Variants in ATAD2 observed in about 807,000 individuals in gnomAD.
The protein encoded by ATAD2 is ATPase family AAA domain containing 2.
A neutral mutation model predicts 168.9 loss-of-function variants in ATAD2; 62 were observed. The ratio of observed to expected loss-of-function variants is 0.37; its 90% CI spans 0.30 to 0.45. ATAD2 has a LOEUF of 0.45. Ranked by LOEUF, ATAD2 falls within the 20% of genes least tolerant of loss-of-function variation. The pLI is 1.00. For synonymous variants in ATAD2, 613 were observed against 571.6 expected (o/e 1.07, Z -1.03); for missense variants, 1,419 against 1,667.8 (o/e 0.85, Z 2.60).
rs1180066132 is a variant in ATAD2 at position 123,321,135 on chromosome 8, C to T, written c.4172G>A (p.Ter1391=). The T allele has an allele frequency of 2.5e-6, 4 of 1,608,646 alleles. No homozygotes were observed. Among genetic ancestry groups the T allele is most frequent in the East Asian group, 2.2e-5 (1 of 44,526 alleles). Residue 1391 remains the stop codon, a stop_retained_variant, in exon 28 of 28, where the codon TGA becomes TAA. Transcript: ENST00000287394. ...QEVENFSCSR[*] is the part of the protein sequence containing the mutation. ...AGAATACTCGATACCATGACATCAT[C>T]ATCTGGAACAACTGAAGTTTTCTAC...
At chr8:123,346,374 A>G (rs1237627866) in intron 17 of ATAD2, 102 bp from the exon 18 acceptor site, 6 of 1,177,060 alleles carry the variant, frequency 5.1e-6, no homozygotes, top group Non-Finnish European at 6.9e-6. Context: ...AGTCTTGCCA[A>G]TAAGGCCAAC....
At position 123,333,865 on chromosome 8, in the gene ATAD2, CT is replaced by C. The variant is rs1827844614; in HGVS notation, c.3478+12del. On this transcript the variant is annotated intron_variant, in intron 24 of 27. Coordinates refer to ENST00000287394, the MANE Select transcript of ATAD2 (RefSeq NM_014109.4). ...GTTATAATTTCATAAATGAAAACTA[CT>C]TGAGTACTTACCAGGAGTGCTGCAA... is the stretch of plus-strand genomic sequence containing the variant. 2 of 1,591,612 alleles carry C rather than the reference CT, an allele frequency of 1.3e-6. No individual in the cohort carries two copies. The highest frequency in any genetic ancestry group is 2.7e-5 in the African/African-American group (2 of 74,070).
At chr8:123,392,772 A>C (rs1812643572) in intron 1 of ATAD2, among the ~76,000 whole-genome samples, 1 of 152,172 alleles carries the variant, frequency 6.6e-6, no homozygotes, top group African/African-American at 2.4e-5. Flanking sequence ...GGGGTAGAAA[A>C]AGATGTCATT....
chr8:123,379,705 G>A lies in ATAD2; in HGVS notation c.320+824C>T, dbSNP rs144863593. Among the ~76,000 whole-genome samples, 155 of 151,430 alleles carry A rather than the reference G, an allele frequency of 1.0e-3. 2 individuals are homozygous for A. In the East Asian group the frequency reaches 0.029, roughly 29 times the overall value. On this transcript the variant is annotated intron_variant, in intron 2 of 27. Transcript: ENST00000287394. ...AGCCTCCCGAGTAGCTGGGACCTCA[G>A]GTGCATGCCACTATGCCCAGCTATA... is the stretch of plus-strand genomic sequence containing the variant.
At chr8:123,338,652 T>C (rs1377298507) in intron 20 of ATAD2, among the ~76,000 whole-genome samples, 2 of 152,212 alleles carry the variant, frequency 1.3e-5, no homozygotes, top group African/African-American at 4.8e-5. Context: ...TTTAAAAGTA[T>C]GATGGGTCAT....
upstream of ATAD2, chr8:123,396,533 A>G (rs947192481): frequency 4.8e-6 from 3 of 623,188 alleles, no homozygotes; most frequent in Non-Finnish European, 8.1e-6. Context: ...CCACCGTAGA[A>G]CAGCAGGCTC....
chr8:123,351,395 C>G (rs1460439256), intron 13 of ATAD2, among the ~76,000 whole-genome samples: 2 of 152,180 alleles, frequency 1.3e-5, no homozygotes, highest in African/African-American at 4.8e-5. Context: ...TGCTAAGTAG[C>G]TGCCCCCACC....
At position 123,371,284 on chromosome 8, in the gene ATAD2, C is replaced by T. The variant is rs1406624885; in HGVS notation, c.591G>A (p.Gln197=). The T allele has an allele frequency of 6.2e-7, 1 of 1,610,248 alleles. No homozygotes were observed. Among genetic ancestry groups the T allele is most frequent in the South Asian group, 1.1e-5 (1 of 89,984 alleles). The change falls in exon 5 of 28, where the codon CAG becomes CAA. Residue 197 remains glutamine, a synonymous_variant. Coordinates refer to ENST00000287394, the MANE Select transcript of ATAD2 (RefSeq NM_014109.4). ...CCAAGTCTTCAAGTTCTCTCATTCGCTGTCTACGCATCTTCTTCATGTCAT... is the reference window on the plus strand; with the variant it reads ...CCAAGTCTTCAAGTTCTCTCATTCGTTGTCTACGCATCTTCTTCATGTCAT... ...KMDDMKKMRR[Q]RMRELEDLGV... is the part of the protein sequence containing the mutation.
chr8:123,408,130 A>G (rs754390985), intron 1 of ATAD2, among the ~76,000 whole-genome samples: 8 of 152,224 alleles, frequency 5.3e-5, no homozygotes, highest in Non-Finnish European at 1.2e-4. Context: ...ATTTCCCACA[A>G]AAGAAGAAAA....
chr8:123,331,999 T>G (rs546562232), intron 24 of ATAD2, among the ~76,000 whole-genome samples: 2 of 152,384 alleles, frequency 1.3e-5, no homozygotes, highest in African/African-American at 4.8e-5. Flanking sequence ...TAAATTTCTC[T>G]TGACTGCAAA....
At chr8:123,373,050 G>A (rs1407054299) in intron 2 of ATAD2, among the ~76,000 whole-genome samples, 2 of 151,712 alleles carry the variant, frequency 1.3e-5, no homozygotes, top group Non-Finnish European at 2.9e-5. Flanking sequence ...CTGTCATCTC[G>A]CCCGGCTAAT....
chr8:123,346,389 C>CAT, intron 17 of ATAD2, 117 bp from the exon 18 acceptor site: 3 of 1,071,460 alleles, frequency 2.8e-6, no homozygotes, highest in Non-Finnish European at 3.9e-6. Context: ...GCCAACCAAT[C>CAT]ATAACATGGT....
rs540797919 is a variant in ATAD2, at chr8:123,385,188, G to C, written c.172-4511C>G. Among the ~76,000 whole-genome samples, 4 of 152,128 alleles carry C rather than the reference G, an allele frequency of 2.6e-5. No individual in the cohort carries two copies. In the East Asian group the frequency reaches 7.7e-4, roughly 29 times the overall value. On this transcript the variant is annotated intron_variant, in intron 1 of 27. Coordinates refer to ENST00000287394, the MANE Select transcript of ATAD2 (RefSeq NM_014109.4). ...TCTATTTTTCTACTGTTATTGATGAGCATGCTAACACTGACTGTCTTACAT... is the reference window on the plus strand; with the variant it reads ...TCTATTTTTCTACTGTTATTGATGACCATGCTAACACTGACTGTCTTACAT...
intron 22 of ATAD2, among the ~76,000 whole-genome samples, chr8:123,335,541 C>A (rs1322965013): frequency 6.6e-6 from 1 of 152,046 alleles, no homozygotes; most frequent in Admixed American, 6.6e-5. Context: ...ATCTTTTTAT[C>A]CACTGGTAAG....
rs568596803 is a variant in ATAD2 at position 123,367,804 on chromosome 8, T to A, written c.1049+1254A>T. Among the ~76,000 whole-genome samples the A allele has an allele frequency of 2.0e-5, 3 of 152,272 alleles. No homozygotes were observed. The South Asian group carries it at 6.2e-4, about 32-fold the overall frequency. ...AGATGTACACTTGTGATTCCTACAA[T>A]GAAATGAAAAGACCTAGGGACACAA... is the stretch of plus-strand genomic sequence containing the variant. On this transcript the variant is annotated intron_variant, in intron 8 of 27. Transcript: ENST00000287394.
intron 22 of ATAD2, among the ~76,000 whole-genome samples, chr8:123,336,057 A>G (rs1394552611): frequency 6.6e-6 from 1 of 152,232 alleles, no homozygotes; most frequent in African/African-American, 2.4e-5. Context: ...ACTTTGAGGA[A>G]GAGCACTGAT....
At position 123,369,969 on chromosome 8, in the gene ATAD2, ATCT is replaced by A; in HGVS notation, c.780_782del (p.Glu260del). 1 of 1,579,026 alleles carries A rather than the reference ATCT, an allele frequency of 6.3e-7. No individual in the cohort carries two copies. Among genetic ancestry groups the A allele is most frequent in the South Asian group, 1.1e-5 (1 of 90,348 alleles). Reference sequence around the variant, plus strand: ...CGTCATCATCATCATCATCTTCATCATCTTCATCTTCACCATCATCTTCATGTT... The same window carrying A: ...CGTCATCATCATCATCATCTTCATCATCATCTTCACCATCATCTTCATGTT... On this transcript the variant is annotated inframe_deletion, in exon 7 of 28. Transcript: ENST00000287394.
intron 14 of ATAD2, among the ~76,000 whole-genome samples, chr8:123,348,847 A>C (rs1188286806): frequency 6.6e-6 from 1 of 152,246 alleles, no homozygotes; most frequent in African/African-American, 2.4e-5. Context: ...GTAACTACTA[A>C]AGTAGCTATT....
At chr8:123,365,111 A>T (rs1403893520) in intron 8 of ATAD2, among the ~76,000 whole-genome samples, 1 of 152,222 alleles carries the variant, frequency 6.6e-6, no homozygotes. Flanking sequence ...ACAAATCAGC[A>T]GTAGGTCTAC....
Sources: gnomAD v4.1 joint callset for allele counts (sites outside exome capture counted in the v4.1 genomes callset) on GRCh38, gnomAD v4.1.1 for gene constraint, MANE v1.5 for transcripts, NCBI Gene and HGNC (gene_info 2026-07-23, HGNC 2026-07-21) for gene names.